The following FBXO41 variants were observed in gnomAD, a reference collection of about 807,000 sequenced individuals.
FBXO41 encodes F-box protein 41.
FBXO41 carries 33 observed loss-of-function variants against 81.6 expected under a neutral mutation model. The observed-to-expected ratio is 0.40, with a 90% CI of 0.31 to 0.54. The LOEUF is 0.54. FBXO41 is among the 20% of genes least tolerant of loss of function. The probability of loss-of-function intolerance (pLI) is 0.39; values close to 1 mark genes in which losing one functional copy is unlikely to be tolerated. For missense variants in FBXO41, 1,107 were observed against 1,236.0 expected (o/e 0.90, Z 1.56); for synonymous variants, 576 against 552.7 (o/e 1.04, Z -0.59).
At chr2:73,279,831 A>AT (rs1363650386) in intron 1 of FBXO41, among the ~76,000 whole-genome samples, 1 of 152,184 alleles carries the variant, frequency 6.6e-6, no homozygotes, top group Non-Finnish European at 1.5e-5. Flanking sequence ...GGCTAACCTA[A>AT]TTTTACTGTA....
chr2:73,283,170 A>G (rs1437359200), intron 1 of FBXO41, among the ~76,000 whole-genome samples: 1 of 152,160 alleles, frequency 6.6e-6, no homozygotes, highest in African/African-American at 2.4e-5. Context: ...TTATACCCCT[A>G]TTAGGCCCCT....
Position 73,265,457 on chromosome 2 carries a change from C to T in FBXO41, c.1389G>A (p.Arg463=). The T allele has an allele frequency of 6.2e-7, 1 of 1,606,000 alleles. No homozygotes were observed. Among genetic ancestry groups the T allele is most frequent in the Non-Finnish European group, 8.5e-7 (1 of 1,179,152 alleles). Reference sequence around the variant, plus strand: ...GCTGCCAGTTCTGGATGGCCTGGCGCCGCAGGCCTGAGCTGCGAGGGGGCT... The same window carrying T: ...GCTGCCAGTTCTGGATGGCCTGGCGTCGCAGGCCTGAGCTGCGAGGGGGCT... ...RSQPPRSSGL[R]RQAIQNWQRR... The change falls in exon 5 of 13, where the codon CGG becomes CGA. Residue 463 remains arginine (R), a synonymous_variant. Transcript: ENST00000520530.
At chr2:73,271,049 C>A in intron 1 of FBXO41, 1 of 417,340 alleles carries the variant, frequency 2.4e-6, no homozygotes. Context: ...CCTAAACGTC[C>A]TCATTCCCTG....
chr2:73,263,941 G>A lies in FBXO41; in HGVS notation c.1919C>T (p.Thr640Ile), dbSNP rs775940284. 1.9e-6 allele frequency: 3 copies of A among 1,611,322 alleles called. No individual in the cohort carries two copies. Among genetic ancestry groups the A allele is most frequent in the East Asian group, 2.2e-5 (1 of 44,782 alleles). The change falls in exon 7 of 13, where the codon ACC (threonine) becomes ATC (isoleucine). Residue 640 changes from threonine (T) to isoleucine (I), a missense_variant. Physicochemically the swap from Thr to Ile is moderately conservative, Grantham distance 89. Coordinates refer to ENST00000520530, the MANE Select transcript of FBXO41 (RefSeq NM_001371389.2). Reference protein sequence around the residue: ...KESKEEYARSTRGCLEAGLES... With the variant: ...KESKEEYARSIRGCLEAGLES... ...ACCCACCCATCGCAGGCCTCACCGG[G>A]TGCTCCGGGCATACTCCTCCTTGCT...
rs1342762338 is a variant in FBXO41, at chr2:73,266,066, G to C, written c.1132-100C>G. On this transcript the variant is annotated intron_variant, in intron 3 of 12. Transcript: ENST00000520530. This position sits in a 1 kb window ranked among gnomAD's most constrained non-coding sequence, Gnocchi z 5.3. ...ACAGGGCAAAAGATGGAGAGGAGAT[G>C]GGGGAGAGGAGAGAGAAGGGAAAAT... 2 of 1,033,324 alleles carry C rather than the reference G, an allele frequency of 1.9e-6. No individual in the cohort carries two copies. The highest frequency in any genetic ancestry group is 1.6e-5 in the African/African-American group (1 of 63,050). 64.0% of individuals were successfully genotyped at this position (1,033,324 alleles called of 1,614,324 possible).
chr2:73,276,597 A>AGAGG (rs1553385527), intron 1 of FBXO41, among the ~76,000 whole-genome samples: 10 of 105,702 alleles, frequency 9.5e-5, no homozygotes, highest in East Asian at 6.5e-4. Context: ...AGAGAGAGAG[A>AGAGG]GAGAGAGGGA....
chr2:73,265,376 G>T lies in FBXO41; in HGVS notation c.1470C>A (p.Gly490=). ...CAGCCTCTGACTCAGTGGTTCGGGAGCCAACGTCGGAGACATCACCCTCTT... is the reference window on the plus strand; with the variant it reads ...CAGCCTCTGACTCAGTGGTTCGGGATCCAACGTCGGAGACATCACCCTCTT... The part of the protein sequence containing the change: ...EGEEGDVSDV[G]SRTTESEAEG... Residue 490 remains glycine (G), a synonymous_variant, in exon 5 of 13, where the codon GGC becomes GGA. Coordinates refer to ENST00000520530, the MANE Select transcript of FBXO41 (RefSeq NM_001371389.2). 6.2e-7 allele frequency: 1 copy of T among 1,611,744 alleles called. No homozygotes were observed.
At chr2:73,263,069 G>A in intron 9 of FBXO41, 144 bp downstream of exon 9, 1 of 639,982 alleles carries the variant, frequency 1.6e-6, no homozygotes, top group East Asian at 3.3e-5. Context: ...TTAAAGCCCT[G>A]CTCCTAATGC....
In FBXO41 at chr2:73,269,020, C is replaced by A; in HGVS notation, c.611G>T (p.Arg204Leu). 1.3e-6 allele frequency: 2 copies of A among 1,538,102 alleles called. No homozygotes were observed. The highest frequency in any genetic ancestry group is 1.7e-6 in the Non-Finnish European group (2 of 1,146,178). ...CTTCTCCAGCGCGCGGATCTTGAGG[C>A]GCGCCAGGCCCTCTTCGTAGGCCAC... ...ADVAYEEGLA[R>L]LKIRALEKLE... The change falls in exon 2 of 13, where the codon CGC becomes CTC. Residue 204 changes from arginine (R) to leucine (L), a missense_variant. Around this residue, in one of 2 missense-constraint regions of FBXO41, gnomAD observed 771 missense variants for 789.2 expected, o/e 0.98. Coordinates refer to ENST00000520530, the MANE Select transcript of FBXO41 (RefSeq NM_001371389.2). The surrounding 1 kb of genome is among the most constrained non-coding windows in gnomAD (Gnocchi z 7.0).
At chr2:73,272,401 C>T (rs1329569635) in intron 1 of FBXO41, 1 of 152,202 alleles carries the variant, frequency 6.6e-6, no homozygotes, top group Non-Finnish European at 1.5e-5. Flanking sequence ...AATTAAGAGC[C>T]AGTTCTTTGC....
chr2:73,266,442 C>G lies in FBXO41; in HGVS notation c.1131+15G>C. ...AGGTGTGCAGGTAGAGGAGGGAAGG[C>G]AGGTGGGCACTCACCATTCTGCCTG... On this transcript the variant is annotated intron_variant, in intron 3 of 12. Transcript: ENST00000520530. This position sits in a 1 kb window ranked among gnomAD's most constrained non-coding sequence, Gnocchi z 5.3. 6.8e-7 allele frequency: 1 copy of G among 1,472,460 alleles called. No homozygotes were observed. 91.2% of individuals were successfully genotyped at this position (1,472,460 alleles called of 1,614,324 possible). A position where few individuals can be genotyped will look rare whatever the true frequency, so the allele number is the denominator to read the frequency against.
chr2:73,265,855 G>C (rs988283882), intron 4 of FBXO41, 38 bp downstream of exon 4: 1 of 1,555,940 alleles, frequency 6.4e-7, no homozygotes, highest in African/African-American at 1.4e-5. Flanking sequence ...TCCAGGGTGA[G>C]GGTGGGCTGC....
chr2:73,271,389 G>C, intron 1 of FBXO41: 1 of 168,710 alleles, frequency 5.9e-6, no homozygotes, highest in Non-Finnish European at 1.3e-5. Flanking sequence ...AGTTGAGCCA[G>C]TGAGCCCCAG....
At chr2:73,271,626 C>CCCCT (rs1248921484) in intron 1 of FBXO41, 2 of 145,360 alleles carry the variant, frequency 1.4e-5, no homozygotes, top group Non-Finnish European at 3.0e-5. Flanking sequence ...TCTGCACTCC[C>CCCCT]CCCCCCCCAA....
rs149852572 is a variant in FBXO41, at chr2:73,278,294, A to G, written c.-139+5866T>C. Among the ~76,000 whole-genome samples the G allele has an allele frequency of 5.2e-3, 791 of 152,266 alleles. 4 individuals carry two copies. The highest frequency in any genetic ancestry group is 0.02 in the Middle Eastern group (6 of 294). On this transcript the variant is annotated intron_variant, in intron 1 of 12. Transcript: ENST00000520530. Reference sequence around the variant, plus strand: ...GGACCTAGGTGTCTAAGACTCATTCATTTCCCTTCTTTCCAGTTATATGAA... The same window carrying G: ...GGACCTAGGTGTCTAAGACTCATTCGTTTCCCTTCTTTCCAGTTATATGAA...
Position 73,260,320 on chromosome 2 carries a change from G to A in FBXO41, c.2449+69C>T, listed in dbSNP as rs1443182294. The A allele has an allele frequency of 2.6e-6, 4 of 1,540,692 alleles. No individual in the cohort carries two copies. The African/African-American group carries it at 5.5e-5, about 21-fold the overall frequency. The stretch of plus-strand genomic sequence containing the variant: ...GATCCATCTGCCCCAGTGATAGTTA[G>A]GATACCTGCTGACAGGGCCCCGTGG... On this transcript the variant is annotated intron_variant, in intron 11 of 12. Transcript: ENST00000520530. The surrounding 1 kb of genome is among the most constrained non-coding windows in gnomAD (Gnocchi z 5.0).
At position 73,260,335 on chromosome 2, in the gene FBXO41, G is replaced by A. The variant is rs1687960948; in HGVS notation, c.2449+54C>T. On this transcript the variant is annotated intron_variant, in intron 11 of 12. Transcript: ENST00000520530. The surrounding 1 kb of genome is among the most constrained non-coding windows in gnomAD (Gnocchi z 5.0). ...GTGATAGTTAGGATACCTGCTGACA[G>A]GGCCCCGTGGCAGGTGATAGTCGTA... The A allele has an allele frequency of 6.4e-7, 1 of 1,571,086 alleles. No homozygotes were observed. Among genetic ancestry groups the A allele is most frequent in the Non-Finnish European group, 8.7e-7 (1 of 1,154,266 alleles).
In FBXO41 at chr2:73,269,342, C is replaced by G; in HGVS notation, c.289G>C (p.Gly97Arg). Residue 97 changes from glycine to arginine, a missense_variant, in exon 2 of 13, where the codon GGG becomes CGG. Transcript: ENST00000520530. This position sits in a 1 kb window ranked among gnomAD's most constrained non-coding sequence, Gnocchi z 7.0. ...AGGTGCGGCGCCGCGGGCGACGGCC[C>G]GGCCGCCTGCTCCTTGCCCTGGAAG... is the stretch of plus-strand genomic sequence containing the variant. Reference protein sequence around the residue: ...TSFQGKEQAAGPSPAAPHLLH... With the variant: ...TSFQGKEQAARPSPAAPHLLH... 2.6e-6 allele frequency: 4 copies of G among 1,518,932 alleles called. No individual in the cohort carries two copies. The highest frequency in any genetic ancestry group is 3.5e-6 in the Non-Finnish European group (4 of 1,134,698). The allele number at this position is 1,518,932 out of a possible 1,614,324, so 94.1% of individuals were successfully genotyped here. A position where few individuals can be genotyped will look rare whatever the true frequency, so the allele number is the denominator to read the frequency against.
At position 73,266,575 on chromosome 2, in the gene FBXO41, C is replaced by T. The variant is rs774146392; in HGVS notation, c.1013G>A (p.Arg338His). 1.6e-5 allele frequency: 25 copies of T among 1,610,842 alleles called. No individual in the cohort carries two copies. Among genetic ancestry groups the T allele is most frequent in the Admixed American group, 1.0e-4 (6 of 59,866 alleles). Reference sequence around the variant, plus strand: ...GATGACCTGCAGCTGCCGCTCGGCACGGTCAGCCCGCTCAAGGAGCTCCTC... The same window carrying T: ...GATGACCTGCAGCTGCCGCTCGGCATGGTCAGCCCGCTCAAGGAGCTCCTC... ...FIEELLERAD[R>H]AERQLQVISS... Residue 338 changes from arginine to histidine, a missense_variant, in exon 3 of 13, where the codon CGT (arginine) becomes CAT (histidine). Around this residue, in one of 2 missense-constraint regions of FBXO41, gnomAD observed 771 missense variants for 789.2 expected, o/e 0.98. Coordinates refer to ENST00000520530, the MANE Select transcript of FBXO41 (RefSeq NM_001371389.2). This position sits in a 1 kb window ranked among gnomAD's most constrained non-coding sequence, Gnocchi z 5.3.
Sources: gnomAD v4.1 joint callset for allele counts (sites outside exome capture counted in the v4.1 genomes callset) on GRCh38, gnomAD v4.1.1 for gene constraint, gnomAD v4.1.1 regional missense constraint, Gnocchi (gnomAD v3.1) non-coding constraint, MANE v1.5 for transcripts, NCBI Gene and HGNC (gene_info 2026-07-23, HGNC 2026-07-21) for gene names.